Variants in RALYL observed in about 807,000 individuals in gnomAD.
RALYL encodes the protein RNA-binding Raly-like protein.
RALYL carries 29 observed loss-of-function variants against 35.1 expected under a neutral mutation model. The ratio of observed to expected loss-of-function variants is 0.83; its 90% confidence interval spans 0.61 to 1.13. The LOEUF (loss-of-function observed/expected upper bound fraction) is 1.13, where lower values mean the gene tolerates loss of function less well. Among genes scored for constraint, RALYL ranks in the 50% most tolerant of loss-of-function variants. The probability of loss-of-function intolerance (pLI) is 0.00; values close to 1 mark genes in which losing one functional copy is unlikely to be tolerated. For synonymous variants in RALYL, 120 were observed against 127.6 expected (o/e 0.94, Z 0.40); for missense variants, 359 against 360.4 (o/e 1.00, Z 0.03).
intron 1 of RALYL, among the ~76,000 whole-genome samples, chr8:84,388,109 T>C (rs1288710695): frequency 6.6e-6 from 1 of 152,086 alleles, no homozygotes; most frequent in Non-Finnish European, 1.5e-5. Flanking sequence ...TTTTTGTTCT[T>C]GCGATAGTTT....
At chr8:84,485,661 A>G (rs2054535177) in intron 1 of RALYL, among the ~76,000 whole-genome samples, 1 of 152,138 alleles carries the variant, frequency 6.6e-6, no homozygotes, top group Non-Finnish European at 1.5e-5. Context: ...AGTTGATGGC[A>G]ATTCCATTTC....
chr8:84,240,193 A>G (rs975354432), intron 1 of RALYL, among the ~76,000 whole-genome samples: 1 of 152,234 alleles, frequency 6.6e-6, no homozygotes, highest in African/African-American at 2.4e-5. Flanking sequence ...CACAGTCTGT[A>G]CATTTAGATA....
intron 2 of RALYL, among the ~76,000 whole-genome samples, chr8:84,589,850 ATAAT>A (rs1812833131): frequency 6.6e-6 from 1 of 152,234 alleles, no homozygotes; most frequent in Non-Finnish European, 1.5e-5. Flanking sequence ...AAAGTCATAT[ATAAT>A]ATTTCTATAT....
chr8:84,849,721 T>G (rs1180749825), intron 4 of RALYL, among the ~76,000 whole-genome samples: 1 of 152,064 alleles, frequency 6.6e-6, no homozygotes, highest in Non-Finnish European at 1.5e-5. Context: ...AAGTTTTAAC[T>G]TATTTATTTT....
intron 2 of RALYL, among the ~76,000 whole-genome samples, chr8:84,625,807 G>T (rs1822587149): frequency 6.6e-6 from 1 of 152,170 alleles, no homozygotes; most frequent in African/African-American, 2.4e-5. Flanking sequence ...AGGAATGTCA[G>T]CAGGAGTTTT....
intron 2 of RALYL, among the ~76,000 whole-genome samples, chr8:84,586,898 T>C (rs1812148526): frequency 1.3e-5 from 2 of 152,176 alleles, no homozygotes; most frequent in Non-Finnish European, 2.9e-5. Flanking sequence ...TACATCACTG[T>C]TAGAAAATGA....
At chr8:84,680,821 GTTTC>G (rs1423573309) in intron 2 of RALYL, among the ~76,000 whole-genome samples, 1 of 151,948 alleles carries the variant, frequency 6.6e-6, no homozygotes, top group African/African-American at 2.4e-5. Context: ...TCTGTTGGTA[GTTTC>G]TTTTGCTGTG....
chr8:84,443,800 A>G (rs1011187954), intron 1 of RALYL, among the ~76,000 whole-genome samples: 5 of 152,138 alleles, frequency 3.3e-5, no homozygotes, highest in African/African-American at 1.2e-4. Flanking sequence ...TGACGTAGGC[A>G]TGGATATAAA....
chr8:84,383,571 A>G (rs754727284), intron 1 of RALYL, among the ~76,000 whole-genome samples: 4 of 151,660 alleles, frequency 2.6e-5, no homozygotes, highest in Non-Finnish European at 5.9e-5. Context: ...TTTTTACTCC[A>G]GAGAGTTAAA....
chr8:84,403,082 T>C (rs182701327), intron 1 of RALYL, among the ~76,000 whole-genome samples: 57 of 152,298 alleles, frequency 3.7e-4, no homozygotes, highest in African/African-American at 1.0e-3. Flanking sequence ...GATGGATAGA[T>C]TGCAAAAATT....
At chr8:84,761,210 A>C (rs1248907211) in intron 2 of RALYL, among the ~76,000 whole-genome samples, 1 of 152,096 alleles carries the variant, frequency 6.6e-6, no homozygotes, top group Non-Finnish European at 1.5e-5. Context: ...ATTGGAAAAG[A>C]GTCAACAATG....
At chr8:84,825,881 A>T (rs573322740) in intron 4 of RALYL, among the ~76,000 whole-genome samples, 2 of 152,280 alleles carry the variant, frequency 1.3e-5, no homozygotes, top group Admixed American at 1.3e-4. Flanking sequence ...CCAAAAATAT[A>T]GCAAAGACAT....
In RALYL at chr8:84,705,526, A is replaced by G. The variant is rs758108625; in HGVS notation, c.257-69053A>G. ...GAGAATTGCTTTAATAATTGAACAT[A>G]CAAAGTGTATCAGAGATTCTCAGAA... is the stretch of plus-strand genomic sequence containing the variant. On this transcript the variant is annotated intron_variant, in intron 2 of 8. Transcript: ENST00000521268. Among the ~76,000 whole-genome samples, 16 of 152,356 alleles carry G rather than the reference A, an allele frequency of 1.1e-4. No homozygotes were observed. In the South Asian group the frequency reaches 3.3e-3, roughly 32 times the overall value.
At chr8:84,535,224 C>T (rs1322122897) in intron 2 of RALYL, among the ~76,000 whole-genome samples, 2 of 152,164 alleles carry the variant, frequency 1.3e-5, no homozygotes, top group African/African-American at 4.8e-5. Context: ...GTCTATATCA[C>T]ACAAATGGTG....
chr8:84,906,497 T>C (rs770153215), intron 8 of RALYL, among the ~76,000 whole-genome samples: 2 of 152,120 alleles, frequency 1.3e-5, no homozygotes, highest in Non-Finnish European at 2.9e-5. Context: ...TAATAATCTG[T>C]GACAAAAGAA....
At chr8:84,652,761 TG>T (rs1829110133) in intron 2 of RALYL, among the ~76,000 whole-genome samples, 1 of 152,104 alleles carries the variant, frequency 6.6e-6, no homozygotes, top group Admixed American at 6.6e-5. Flanking sequence ...AATCTGTCTC[TG>T]GGGCCCATGT....
intron 2 of RALYL, among the ~76,000 whole-genome samples, chr8:84,716,523 G>A (rs1401183432): frequency 5.3e-5 from 8 of 152,102 alleles, no homozygotes; most frequent in Admixed American, 2.0e-4. Context: ...ATAAGTGGTC[G>A]TAAAATTTTT....
rs116626162 is a variant in RALYL at position 84,671,227 on chromosome 8, C to A, written c.257-103352C>A. On this transcript the variant is annotated intron_variant, in intron 2 of 8. Coordinates refer to ENST00000521268, the MANE Select transcript of RALYL (RefSeq NM_173848.7). ...AAGAGGTGGGCTCCCACAGTCTTGGCCAGCTCTGTCTCTGTGGCTTTGCGG... is the reference window on the plus strand; with the variant it reads ...AAGAGGTGGGCTCCCACAGTCTTGGACAGCTCTGTCTCTGTGGCTTTGCGG... Among the ~76,000 whole-genome samples the A allele has an allele frequency of 3.8e-3, 586 of 152,278 alleles. 5 individuals carry two copies. Among genetic ancestry groups the A allele is most frequent in the African/African-American group, 0.014 (568 of 41,566 alleles).
intron 2 of RALYL, among the ~76,000 whole-genome samples, chr8:84,631,140 T>G (rs1823823063): frequency 6.6e-6 from 1 of 152,064 alleles, no homozygotes; most frequent in Admixed American, 6.6e-5. Flanking sequence ...TTGATAAATT[T>G]TATAAATGCC....
Sources: allele counts gnomAD v4.1 joint callset (sites outside exome capture counted in the v4.1 genomes callset), GRCh38; gene constraint gnomAD v4.1.1; transcripts MANE v1.5; gene names NCBI Gene and HGNC (gene_info 2026-07-23, HGNC 2026-07-21).